The following CCT5 variants were observed in gnomAD, a reference collection of about 807,000 sequenced individuals.
The protein encoded by CCT5 is chaperonin containing TCP1 subunit 5.
In CCT5, 6 loss-of-function variants were observed where a neutral mutation model predicts 55.0. The ratio of observed to expected loss-of-function variants is 0.11; its 90% CI spans 0.06 to 0.22. The LOEUF (loss-of-function observed/expected upper bound fraction) is 0.22, where lower values mean the gene tolerates loss of function less well. Ranked by LOEUF, CCT5 falls within the 10% of genes least tolerant of loss-of-function variation. The probability of loss-of-function intolerance (pLI) is 1.00; values close to 1 mark genes in which losing one functional copy is unlikely to be tolerated. For missense variants in CCT5, 560 were observed against 694.6 expected, an observed-to-expected ratio of 0.81 and a Z score of 2.18; for synonymous variants, 231 against 243.7, an observed-to-expected ratio of 0.95 and a Z score of 0.49.
rs199800854 is a variant in CCT5, at chr5:10,262,555, G to A, written c.1254G>A (p.Val418=). ...VIRNLIRDNR[V]VYGGGAAEIS... ...GGAACCTCATCCGCGATAATCGTGT[G>A]GTGTATGGAGGAGGGGCTGCTGAGA... The change falls in exon 9 of 11, where the codon GTG becomes GTA. Residue 418 remains valine, a synonymous_variant. Transcript: ENST00000280326. The A allele has an allele frequency of 6.2e-7, 1 of 1,614,238 alleles. No individual in the cohort carries two copies. The highest frequency in any genetic ancestry group is 2.2e-5 in the East Asian group (1 of 44,884).
At chr5:10,261,968 C>T in intron 8 of CCT5, 1 of 542,082 alleles carries the variant, frequency 1.8e-6, no homozygotes, top group Non-Finnish European at 3.3e-6. Flanking sequence ...ACAATATACA[C>T]TATGAGATTT....
At chr5:10,255,860 GCTT>G in intron 3 of CCT5, 92 bp from the exon 4 acceptor site, 1 of 1,069,266 alleles carries the variant, frequency 9.4e-7, no homozygotes, top group South Asian at 1.3e-5. Context: ...TCTAGAAGCT[GCTT>G]CTTTCCATGA....
At chr5:10,249,930 A>AAC, upstream of CCT5, 1 of 756,018 alleles carries the variant, frequency 1.3e-6, no homozygotes, top group Non-Finnish European at 1.7e-6. Flanking sequence ...AAAAAAAAAA[A>AAC]AAAACCGGAA....
intron 1 of CCT5, among the ~76,000 whole-genome samples, chr5:10,253,284 A>G (rs1745519698): frequency 6.6e-6 from 1 of 151,608 alleles, no homozygotes. Flanking sequence ...AGCTGAGATC[A>G]TGCCACTGCA....
In CCT5 at chr5:10,254,811, A is replaced by G; in HGVS notation, c.304A>G (p.Ile102Val). The change falls in exon 3 of 11, where the codon ATT becomes GTT. Residue 102 changes from isoleucine (I) to valine (V), a missense_variant. Ile to Val is a conservative substitution (Grantham distance 29, BLOSUM62 3). Coordinates refer to ENST00000280326, the MANE Select transcript of CCT5 (RefSeq NM_012073.5). ...ACTGTCCAAGTCTCAGGATGATGAAATTGGAGATGGAACCACAGGAGTGGT... is the reference window on the plus strand; with the variant it reads ...ACTGTCCAAGTCTCAGGATGATGAAGTTGGAGATGGAACCACAGGAGTGGT... ...VELSKSQDDE[I>V]GDGTTGVVVL... 2 of 1,614,106 alleles carry G rather than the reference A, an allele frequency of 1.2e-6. No individual in the cohort carries two copies. The highest frequency in any genetic ancestry group is 2.2e-5 in the East Asian group (1 of 44,884).
At chr5:10,252,126 G>A (rs1016638274) in intron 1 of CCT5, among the ~76,000 whole-genome samples, 1 of 152,186 alleles carries the variant, frequency 6.6e-6, no homozygotes, top group African/African-American at 2.4e-5. Context: ...ATTCTTTGCT[G>A]TGGGAGCTCA....
At chr5:10,254,638 T>G in intron 2 of CCT5, 36 bp from the exon 3 acceptor site, 1 of 1,609,964 alleles carries the variant, frequency 6.2e-7, no homozygotes, top group South Asian at 1.1e-5. Flanking sequence ...TGGTTGCCAG[T>G]TTTTTGCGCA....
intron 1 of CCT5, among the ~76,000 whole-genome samples, chr5:10,251,857 A>G (rs1745438083): frequency 6.6e-6 from 1 of 152,258 alleles, no homozygotes; most frequent in Non-Finnish European, 1.5e-5. Context: ...ACCTGGTGTA[A>G]CAACATAACT....
chr5:10,263,348 G>C lies in CCT5; in HGVS notation c.1498+34G>C, dbSNP rs113061039. On this transcript the variant is annotated intron_variant, in intron 10 of 10. Transcript: ENST00000280326. Reference sequence around the variant, plus strand: ...CTGTCACGCCTCTGCGTGGAGGGGGGGGGATGTCTGATTTAAACTGAATAA... The same window carrying C: ...CTGTCACGCCTCTGCGTGGAGGGGGCGGGATGTCTGATTTAAACTGAATAA... 9 of 1,448,306 alleles carry C rather than the reference G, an allele frequency of 6.2e-6. No individual in the cohort carries two copies. The South Asian group carries it at 8.2e-5, about 13-fold the overall frequency. The allele number at this position is 1,448,306 out of a possible 1,614,324, so 89.7% of individuals were successfully genotyped here. A position where few individuals can be genotyped will look rare whatever the true frequency, so the allele number is the denominator to read the frequency against.
rs765272975 is a variant in CCT5 at position 10,255,993 on chromosome 5, C to G, written c.370C>G (p.Leu124Val). The G allele has an allele frequency of 6.2e-7, 1 of 1,614,200 alleles. No individual in the cohort carries two copies. The highest frequency in any genetic ancestry group is 2.2e-5 in the East Asian group (1 of 44,884). Residue 124 changes from leucine (L) to valine (V), a missense_variant, in exon 4 of 11, where the codon CTA becomes GTA. Transcript: ENST00000280326. The stretch of plus-strand genomic sequence containing the variant: ...CTTGTTAGAAGAAGCGGAGCAATTG[C>G]TAGACCGAGGCATTCACCCAATCAG... ...GALLEEAEQL[L>V]DRGIHPIRIA...
rs1334515810 is a variant in CCT5 at position 10,262,050 on chromosome 5, A to G, written c.1179+305A>G. 3 of 406,476 alleles carry G rather than the reference A, an allele frequency of 7.4e-6. No individual in the cohort carries two copies. The Admixed American group carries it at 1.1e-4, about 15-fold the overall frequency. The allele number at this position is 406,476 out of a possible 1,614,324, so 25.2% of individuals were successfully genotyped here. On this transcript the variant is annotated intron_variant, in intron 8 of 10. Coordinates refer to ENST00000280326, the MANE Select transcript of CCT5 (RefSeq NM_012073.5). ...GGATTTTAGAATGTTTGATACAGTT[A>G]CATTAGGGGTTGGTTAAACTGCTAG...
intron 1 of CCT5, among the ~76,000 whole-genome samples, chr5:10,252,614 C>CAAAA (rs35768596): frequency 3.9e-4 from 47 of 119,920 alleles, no homozygotes; most frequent in African/African-American, 1.6e-3. Flanking sequence ...GACTCCGTCT[C>CAAAA]AAAAAAAAAA....
chr5:10,249,970 G>T, upstream of CCT5: 1 of 1,530,474 alleles, frequency 6.5e-7, no homozygotes, highest in Admixed American at 2.0e-5. Context: ...CGGAGCCGGA[G>T]TGCGAAGAAA....
chr5:10,262,684 C>CG, intron 9 of CCT5, 66 bp downstream of exon 9: 15 of 1,563,952 alleles, frequency 9.6e-6, no homozygotes, highest in Non-Finnish European at 1.1e-5. Flanking sequence ...TGTGAAGCTG[C>CG]GGAACAGCGA....
At chr5:10,251,006 C>A in intron 1 of CCT5, 2 of 367,584 alleles carry the variant, frequency 5.4e-6, no homozygotes, top group Non-Finnish European at 7.6e-6. Flanking sequence ...AGGTGGTGTG[C>A]AGTGAGAAGG....
intron 1 of CCT5, chr5:10,250,749 C>T (rs939553350): frequency 3.2e-6 from 4 of 1,239,838 alleles, no homozygotes; most frequent in Middle Eastern, 3.2e-4. Flanking sequence ...CGCCCGGCTC[C>T]TCCAGCCTGA....
intron 8 of CCT5, 73 bp downstream of exon 8, chr5:10,261,818 T>A (rs1040445862): frequency 8.6e-7 from 1 of 1,157,096 alleles, no homozygotes; most frequent in South Asian, 1.2e-5. Context: ...CCTGTGTGTA[T>A]TTAACAGAGA....
intron 1 of CCT5, among the ~76,000 whole-genome samples, chr5:10,251,196 C>A (rs779231101): frequency 2.0e-5 from 3 of 152,120 alleles, no homozygotes; most frequent in Admixed American, 6.5e-5. Context: ...CTTTAACTTA[C>A]AATAGTTCCC....
rs1349545475 is a variant in CCT5 at position 10,263,278 on chromosome 5, G to A, written c.1462G>A (p.Ala488Thr). Residue 488 changes from alanine to threonine, a missense_variant, in exon 10 of 11, where the codon GCT becomes ACT. By Grantham distance (58) the Ala-to-Thr change is moderately conservative. Transcript: ENST00000280326. The stretch of plus-strand genomic sequence containing the variant: ...CAGACAGGTGAAGGAGATGAACCCT[G>A]CTCTTGGCATCGACTGTTTGCACAA... ...RARQVKEMNPALGIDCLHKGT... is the reference protein window; with the variant it reads ...RARQVKEMNPTLGIDCLHKGT... 2.5e-6 allele frequency: 4 copies of A among 1,613,778 alleles called. No homozygotes were observed. The highest frequency in any genetic ancestry group is 1.7e-5 in the Admixed American group (1 of 59,990).
Sources: allele counts gnomAD v4.1 joint callset (sites outside exome capture counted in the v4.1 genomes callset), GRCh38; gene constraint gnomAD v4.1.1; transcripts MANE v1.5; gene names NCBI Gene and HGNC (gene_info 2026-07-23, HGNC 2026-07-21).